Variants in LHFPL1 observed in about 807,000 individuals in gnomAD.
The protein encoded by LHFPL1 is LHFPL tetraspan subfamily member 1.
LHFPL1 carries 4 observed loss-of-function variants against 12.1 expected under a neutral mutation model. The observed-to-expected ratio is 0.33, with a 90% confidence interval of 0.16 to 0.76. The LOEUF (loss-of-function observed/expected upper bound fraction) is 0.76, where lower values mean the gene tolerates loss of function less well. Ranked by LOEUF, LHFPL1 falls within the 30% of genes least tolerant of loss-of-function variation. LHFPL1 has a pLI of 0.61. For missense variants in LHFPL1, 141 were observed against 174.1 expected, an observed-to-expected ratio of 0.81 and a Z score of 1.07; for synonymous variants, 52 against 61.9, an observed-to-expected ratio of 0.84 and a Z score of 0.75.
intron 1 of LHFPL1, among the ~76,000 whole-genome samples, chrX:112,674,928 A>C (rs894227957): frequency 1.8e-5 from 2 of 112,154 alleles, no homozygotes; most frequent in African/African-American, 3.2e-5. Context: ...CAGCAATCCC[A>C]CTACTGGGTA....
chrX:112,671,889 G>A (rs1931518694), intron 1 of LHFPL1, among the ~76,000 whole-genome samples: 1 of 111,454 alleles, frequency 9.0e-6, no homozygotes, highest in African/African-American at 3.3e-5. Flanking sequence ...TGAAGGAGAA[G>A]GAAGACAACT....
Position 112,655,649 on chromosome X carries a change from G to C in LHFPL1, c.481+4978C>G, listed in dbSNP as rs552360500. The stretch of plus-strand genomic sequence containing the variant: ...GGGTAAAAAGCTTATTCCTCTGGTA[G>C]GGACCATGTCTTTTCTTTTTTGGCT... On this transcript the variant is annotated intron_variant, in intron 3 of 3. Transcript: ENST00000371968. Among the ~76,000 whole-genome samples, 6 of 111,737 alleles carry C rather than the reference G, an allele frequency of 5.4e-5. No individual in the cohort carries two copies. The South Asian group carries it at 2.3e-3, about 42-fold the overall frequency.
chrX:112,672,188 AG>A (rs1406914065), intron 1 of LHFPL1, among the ~76,000 whole-genome samples: 1 of 112,119 alleles, frequency 8.9e-6, no homozygotes, highest in Non-Finnish European at 1.9e-5. Flanking sequence ...TATTAAGAAA[AG>A]CTTCCTTGTC....
intron 3 of LHFPL1, among the ~76,000 whole-genome samples, chrX:112,660,043 G>A (rs1931131821): frequency 8.9e-6 from 1 of 112,121 alleles, no homozygotes; most frequent in Admixed American, 9.4e-5. Context: ...GAATATTTCT[G>A]AAGTCTTCCA....
At chrX:112,674,483 A>G (rs1368036357) in intron 1 of LHFPL1, among the ~76,000 whole-genome samples, 2 of 111,679 alleles carry the variant, frequency 1.8e-5, no homozygotes, top group African/African-American at 3.3e-5. Flanking sequence ...AGCAAAAGGA[A>G]CAGTCAGCAG....
At chrX:112,645,624 C>T (rs1248276341) in intron 3 of LHFPL1, among the ~76,000 whole-genome samples, 1 of 111,584 alleles carries the variant, frequency 9.0e-6, no homozygotes, top group Non-Finnish European at 1.9e-5. Flanking sequence ...CCCGGTCTTA[C>T]AACTAGGCAA....
intron 3 of LHFPL1, among the ~76,000 whole-genome samples, chrX:112,645,219 C>T (rs1212961573): frequency 1.8e-5 from 2 of 112,224 alleles, no homozygotes; most frequent in African/African-American, 3.2e-5. Flanking sequence ...ATTAACCCTA[C>T]GGAGAGAAAT....
At chrX:112,648,229 T>C (rs1363781225) in intron 3 of LHFPL1, among the ~76,000 whole-genome samples, 2 of 110,636 alleles carry the variant, frequency 1.8e-5, no homozygotes, top group African/African-American at 6.6e-5. Flanking sequence ...ATGTAGATGA[T>C]GGGTTGATGG....
chrX:112,642,798 G>A (rs185915455), intron 3 of LHFPL1, among the ~76,000 whole-genome samples: 17 of 110,470 alleles, frequency 1.5e-4, no homozygotes, highest in Admixed American at 6.7e-4. Context: ...TATAAGCACC[G>A]TCATTATTTT....
chrX:112,672,793 C>A (rs1000535705), intron 1 of LHFPL1, among the ~76,000 whole-genome samples: 1 of 111,775 alleles, frequency 8.9e-6, no homozygotes, highest in African/African-American at 3.2e-5. Flanking sequence ...AGCAGGCAGT[C>A]CATTTCAAGT....
chrX:112,674,050 C>G (rs1003414559), intron 1 of LHFPL1, among the ~76,000 whole-genome samples: 1 of 111,916 alleles, frequency 8.9e-6, no homozygotes, highest in Non-Finnish European at 1.9e-5. Flanking sequence ...TCAAACTATA[C>G]TATAAGGCCA....
Position 112,645,416 on chromosome X carries a change from G to A in LHFPL1, c.482-13815C>T, listed in dbSNP as rs1009846760. Among the ~76,000 whole-genome samples the A allele has an allele frequency of 3.4e-4, 38 of 111,226 alleles. 1 individual carries two copies. The highest frequency in any genetic ancestry group is 1.3e-4 in the Non-Finnish European group (7 of 53,158). ...GGGAACATTTTTATTTTAACAACTG[G>A]TATCAGGATGATGATGATGATGATG... is the stretch of plus-strand genomic sequence containing the variant. On this transcript the variant is annotated intron_variant, in intron 3 of 3. Coordinates refer to ENST00000371968, the MANE Select transcript of LHFPL1 (RefSeq NM_178175.4).
At chrX:112,666,060 GGTGGGCATTT>G (rs1333305281) in intron 2 of LHFPL1, among the ~76,000 whole-genome samples, 1 of 112,005 alleles carries the variant, frequency 8.9e-6, no homozygotes, top group Non-Finnish European at 1.9e-5. Context: ...GCAACTGTTG[GGTGGGCATTT>G]GTTAAACTTC....
intron 3 of LHFPL1, among the ~76,000 whole-genome samples, chrX:112,656,909 G>A (rs1305903705): frequency 8.9e-6 from 1 of 112,360 alleles, no homozygotes; most frequent in Non-Finnish European, 1.9e-5. Context: ...TAGAGTATGG[G>A]TTGTTGGTGC....
At chrX:112,676,518 C>T (rs1188291870) in intron 1 of LHFPL1, among the ~76,000 whole-genome samples, 2 of 112,026 alleles carry the variant, frequency 1.8e-5, no homozygotes, top group Admixed American at 9.5e-5. Flanking sequence ...GTATGAGATG[C>T]AGTGGATGTT....
At chrX:112,659,924 A>C (rs1177515596) in intron 3 of LHFPL1, among the ~76,000 whole-genome samples, 1 of 112,471 alleles carries the variant, frequency 8.9e-6, no homozygotes, top group African/African-American at 3.2e-5. Flanking sequence ...AGCACAAGCT[A>C]TATGTGGTTG....
At chrX:112,636,432 G>C (rs1354367907) in intron 3 of LHFPL1, among the ~76,000 whole-genome samples, 5 of 112,223 alleles carry the variant, frequency 4.5e-5, no homozygotes, top group Non-Finnish European at 9.4e-5. Context: ...ACAAACACCA[G>C]ATATTTATAC....
chrX:112,660,637 T>C lies in LHFPL1; in HGVS notation c.471A>G (p.Gln157=), dbSNP rs1931153612. The change falls in exon 3 of 4, where the codon CAA becomes CAG. Residue 157 remains glutamine (Q), a synonymous_variant. Coordinates refer to ENST00000371968, the MANE Select transcript of LHFPL1 (RefSeq NM_178175.4). ...CCCAGGCCACCTTACCTAACTGAAATTGATTGGAGACATTCCCACATGTTT... is the reference window on the plus strand; with the variant it reads ...CCCAGGCCACCTTACCTAACTGAAACTGATTGGAGACATTCCCACATGTTT... ...IMQTCGNVSN[Q]FQLGTCRLGW... is the part of the protein sequence containing the mutation. The C allele has an allele frequency of 1.7e-6, 2 of 1,206,564 alleles. No individual in the cohort carries two copies. The highest frequency in any genetic ancestry group is 1.7e-5 in the African/African-American group (1 of 57,189).
chrX:112,650,502 C>A (rs1379902108), intron 3 of LHFPL1, among the ~76,000 whole-genome samples: 1 of 111,878 alleles, frequency 8.9e-6, no homozygotes, highest in Non-Finnish European at 1.9e-5. Context: ...ATGGTCACTT[C>A]TCTGTCCTCA....
Sources: gnomAD v4.1 joint callset for allele counts (sites outside exome capture counted in the v4.1 genomes callset) on GRCh38, gnomAD v4.1.1 for gene constraint, MANE v1.5 for transcripts, NCBI Gene and HGNC (gene_info 2026-07-23, HGNC 2026-07-21) for gene names.